Variants in CNTN5 observed in about 807,000 individuals in gnomAD.
The protein encoded by CNTN5 is contactin 5.
Under a neutral mutation model 129.1 loss-of-function variants are expected in CNTN5, and 77 were observed. That is an observed-to-expected ratio of 0.60 (90% CI 0.50 to 0.72). The LOEUF is 0.72. Ranked by LOEUF, CNTN5 falls within the 30% of genes least tolerant of loss-of-function variation. The pLI, the probability that CNTN5 is intolerant of heterozygous loss-of-function variation, is 0.00. For synonymous variants in CNTN5, 509 were observed against 465.6 expected (o/e 1.09, Z -1.20); for missense variants, 1,478 against 1,328.8 (o/e 1.11, Z -1.75).
chr11:99,242,498 A>AT (rs1383138554), intron 1 of CNTN5, among the ~76,000 whole-genome samples: 2 of 151,734 alleles, frequency 1.3e-5, no homozygotes, highest in Non-Finnish European at 2.9e-5. Flanking sequence ...TTCAACTTTT[A>AT]TTTTATGTTC....
intron 1 of CNTN5, among the ~76,000 whole-genome samples, chr11:99,167,722 T>C (rs1860941169): frequency 6.6e-6 from 1 of 152,140 alleles, no homozygotes; most frequent in South Asian, 2.1e-4. Context: ...CTATAATTAA[T>C]ATAAGGTAAA....
At chr11:99,311,250 C>A (rs1210304572) in intron 1 of CNTN5, among the ~76,000 whole-genome samples, 1 of 152,080 alleles carries the variant, frequency 6.6e-6, no homozygotes, top group Non-Finnish European at 1.5e-5. Context: ...AGTAGGAACA[C>A]CATCTGGTAT....
At chr11:99,744,031 A>G (rs753660990) in intron 3 of CNTN5, among the ~76,000 whole-genome samples, 2 of 152,096 alleles carry the variant, frequency 1.3e-5, no homozygotes, top group Non-Finnish European at 2.9e-5. Context: ...AAAAATTTCA[A>G]CCCTTAAAAA....
chr11:99,683,982 C>G (rs1591475650), intron 3 of CNTN5, among the ~76,000 whole-genome samples: 1 of 151,694 alleles, frequency 6.6e-6, no homozygotes, highest in Non-Finnish European at 1.5e-5. Context: ...ACTCTTCTAG[C>G]AAATTTCAAA....
Position 99,639,840 on chromosome 11 carries a change from C to T in CNTN5, c.55+83571C>T, listed in dbSNP as rs145103238. On this transcript the variant is annotated intron_variant, in intron 3 of 24. Coordinates refer to ENST00000524871, the MANE Select transcript of CNTN5 (RefSeq NM_014361.4). ...CAGCCTCCCAAAGTGCTGGGATTAC[C>T]GGTGTGAGCCACCACGTCAGTCCCA... is the stretch of plus-strand genomic sequence containing the variant. 0.016 allele frequency among the ~76,000 whole-genome samples: 2,408 copies of T among 152,026 alleles called. 92 individuals carry two copies. The East Asian group carries it at 0.17, about 10-fold the overall frequency.
intron 17 of CNTN5, among the ~76,000 whole-genome samples, chr11:100,268,790 G>T (rs1047086520): frequency 6.6e-6 from 1 of 152,140 alleles, no homozygotes; most frequent in African/African-American, 2.4e-5. Context: ...TTTTCTAATG[G>T]ATTGGAGTGA....
rs143566699 is a variant in CNTN5 at position 99,475,647 on chromosome 11, C to G, written c.-70-80498C>G. On this transcript the variant is annotated intron_variant, in intron 2 of 24. Coordinates refer to ENST00000524871, the MANE Select transcript of CNTN5 (RefSeq NM_014361.4). ...TGCCATAAACCTTGTCTTTTTTAAG[C>G]CTGTAATGGAAATACCTCTAGTATG... is the stretch of plus-strand genomic sequence containing the variant. 9.1e-3 allele frequency among the ~76,000 whole-genome samples: 1,375 copies of G among 151,864 alleles called. 23 individuals are homozygous for G. The highest frequency in any genetic ancestry group is 0.032 in the African/African-American group (1,328 of 41,424).
intron 1 of CNTN5, among the ~76,000 whole-genome samples, chr11:99,112,810 A>C (rs1475289674): frequency 6.6e-6 from 1 of 152,048 alleles, no homozygotes; most frequent in African/African-American, 2.4e-5. Flanking sequence ...TAATCACTGA[A>C]ATTTTGTCTA....
intron 1 of CNTN5, among the ~76,000 whole-genome samples, chr11:99,104,629 T>TAC (rs1489443507): frequency 9.4e-6 from 1 of 106,368 alleles, no homozygotes; most frequent in Non-Finnish European, 1.9e-5. Flanking sequence ...TATATATATA[T>TAC]ACACACACAC....
At position 99,066,395 on chromosome 11, in the gene CNTN5, C is replaced by T. The variant is rs547340949; in HGVS notation, c.-210+45125C>T. On this transcript the variant is annotated intron_variant, in intron 1 of 24. Transcript: ENST00000524871. ...CTAGGATTACAGGCATGAGCCACCACGCCCAGCAAGCTAATATTTATTCTA... is the reference window on the plus strand; with the variant it reads ...CTAGGATTACAGGCATGAGCCACCATGCCCAGCAAGCTAATATTTATTCTA... Among the ~76,000 whole-genome samples, 5 of 152,184 alleles carry T rather than the reference C, an allele frequency of 3.3e-5. No homozygotes were observed. In the East Asian group the frequency reaches 5.8e-4, roughly 18 times the overall value.
At chr11:99,178,885 C>A (rs1324154049) in intron 1 of CNTN5, among the ~76,000 whole-genome samples, 1 of 151,638 alleles carries the variant, frequency 6.6e-6, no homozygotes, top group African/African-American at 2.4e-5. Context: ...CATTTAAATA[C>A]CCAAATTGTG....
chr11:100,220,863 T>C (rs1323409328), intron 15 of CNTN5, among the ~76,000 whole-genome samples: 7 of 152,190 alleles, frequency 4.6e-5, no homozygotes, highest in Non-Finnish European at 1.0e-4. Flanking sequence ...ATAGTCTTTT[T>C]CTCTTTTCCT....
intron 9 of CNTN5, among the ~76,000 whole-genome samples, chr11:100,011,384 G>A (rs1158882033): frequency 1.3e-5 from 2 of 152,120 alleles, no homozygotes; most frequent in Non-Finnish European, 2.9e-5. Context: ...AACAACATCA[G>A]TTTATCCATA....
chr11:99,896,507 C>T (rs1949211178), intron 6 of CNTN5, among the ~76,000 whole-genome samples: 1 of 152,122 alleles, frequency 6.6e-6, no homozygotes, highest in African/African-American at 2.4e-5. Context: ...CACAACTTCC[C>T]ACCTCTGTTG....
At chr11:99,533,364 C>T (rs552618573) in intron 2 of CNTN5, among the ~76,000 whole-genome samples, 57 of 152,344 alleles carry the variant, frequency 3.7e-4, no homozygotes, top group African/African-American at 1.3e-3. Context: ...ACAGTAACAT[C>T]AGGTAGGCAC....
At chr11:99,949,218 T>C (rs546107080) in intron 7 of CNTN5, among the ~76,000 whole-genome samples, 3 of 152,172 alleles carry the variant, frequency 2.0e-5, no homozygotes, top group Non-Finnish European at 4.4e-5. Context: ...TGAAAGACAA[T>C]AAGTATCTAC....
intron 2 of CNTN5, among the ~76,000 whole-genome samples, chr11:99,375,879 G>C (rs141041902): frequency 4.6e-5 from 7 of 152,160 alleles, no homozygotes; most frequent in Non-Finnish European, 8.8e-5. Flanking sequence ...AAATTAAAAA[G>C]CTGAATTACT....
chr11:99,021,805 T>C (rs1862883096), intron 1 of CNTN5, among the ~76,000 whole-genome samples: 1 of 152,240 alleles, frequency 6.6e-6, no homozygotes, highest in Non-Finnish European at 1.5e-5. Flanking sequence ...TCTTGGATTA[T>C]GCTGAGCTTT....
At chr11:100,045,638 C>G (rs1384273893) in intron 9 of CNTN5, among the ~76,000 whole-genome samples, 2 of 151,602 alleles carry the variant, frequency 1.3e-5, no homozygotes. Flanking sequence ...GTCATTTTCT[C>G]TCCAAAATGA....
Sources: gnomAD v4.1 joint callset for allele counts (sites outside exome capture counted in the v4.1 genomes callset) on GRCh38, gnomAD v4.1.1 for gene constraint, MANE v1.5 for transcripts, NCBI Gene and HGNC (gene_info 2026-07-23, HGNC 2026-07-21) for gene names.